ROCK1: variants seen among roughly 807,000 people sequenced by gnomAD.
ROCK1 encodes the protein Rho associated coiled-coil containing protein kinase 1.
Under a neutral mutation model 196.8 loss-of-function variants are expected in ROCK1, and 36 were observed. That is an observed-to-expected ratio of 0.18 (90% CI 0.14 to 0.24). ROCK1 has a LOEUF of 0.24. Among genes scored for constraint, ROCK1 ranks in the 10% least tolerant of loss-of-function variants. The pLI is 1.00. For synonymous variants in ROCK1, 443 were observed against 515.9 expected (o/e 0.86, Z 1.91); for missense variants, 920 against 1,562.0 (o/e 0.59, Z 6.93).
intron 32 of ROCK1, among the ~76,000 whole-genome samples, chr18:20,952,435 T>C (rs2035198463): frequency 6.8e-6 from 1 of 147,266 alleles, no homozygotes; most frequent in African/African-American, 2.6e-5. Context: ...TTATGCCTTA[T>C]AATTGTTTAT....
intron 1 of ROCK1, among the ~76,000 whole-genome samples, chr18:21,097,891 G>C (rs1437654898): frequency 1.3e-5 from 2 of 152,224 alleles, no homozygotes; most frequent in East Asian, 3.9e-4. Context: ...GGGTGGGAGT[G>C]AAAAATCCCA....
intron 16 of ROCK1, among the ~76,000 whole-genome samples, chr18:21,002,005 T>C (rs561754662): frequency 7.9e-5 from 12 of 152,206 alleles, no homozygotes; most frequent in African/African-American, 2.9e-4. Flanking sequence ...AAATCATTTA[T>C]AAACTAAGCC....
intron 32 of ROCK1, among the ~76,000 whole-genome samples, chr18:20,952,524 T>A (rs1287337357): frequency 6.6e-6 from 1 of 152,096 alleles, no homozygotes; most frequent in Non-Finnish European, 1.5e-5. Context: ...ACGCCTGTAA[T>A]CCCAGCACTT....
At chr18:21,013,360 G>T (rs1220638104) in intron 13 of ROCK1, among the ~76,000 whole-genome samples, 1 of 152,210 alleles carries the variant, frequency 6.6e-6, no homozygotes, top group African/African-American at 2.4e-5. Flanking sequence ...GAGGGGAGCA[G>T]ATCCTCATCA....
intron 22 of ROCK1, among the ~76,000 whole-genome samples, chr18:20,978,009 T>C (rs968565204): frequency 1.3e-5 from 2 of 152,222 alleles, no homozygotes; most frequent in African/African-American, 4.8e-5. Context: ...AAATTTAAGA[T>C]AATATACAGC....
intron 10 of ROCK1, among the ~76,000 whole-genome samples, chr18:21,026,234 C>T (rs1314328666): frequency 1.2e-4 from 19 of 152,038 alleles, no homozygotes; most frequent in Middle Eastern, 3.2e-3. Context: ...CACCTGAGGT[C>T]GGGAGTTCGA....
chr18:21,019,345 C>T (rs555475180), intron 12 of ROCK1, among the ~76,000 whole-genome samples: 27 of 152,084 alleles, frequency 1.8e-4, no homozygotes, highest in Non-Finnish European at 2.8e-4. Context: ...AGTAGAGATG[C>T]GGTTTCGCCA....
At chr18:20,966,009 A>T (rs1260549649) in intron 27 of ROCK1, among the ~76,000 whole-genome samples, 1 of 152,230 alleles carries the variant, frequency 6.6e-6, no homozygotes, top group Admixed American at 6.5e-5. Context: ...ATATCTGTTA[A>T]AACAGAATCC....
intron 1 of ROCK1, among the ~76,000 whole-genome samples, chr18:21,078,750 G>T (rs1470145102): frequency 1.3e-5 from 2 of 152,162 alleles, no homozygotes; most frequent in African/African-American, 4.8e-5. Flanking sequence ...GCACCTTGGG[G>T]ATTCAGGACT....
intron 2 of ROCK1, among the ~76,000 whole-genome samples, chr18:21,054,327 T>A (rs1249014333): frequency 6.6e-6 from 1 of 152,214 alleles, no homozygotes; most frequent in African/African-American, 2.4e-5. Flanking sequence ...TTTGACTTTT[T>A]TTTCAATCAT....
At chr18:21,026,659 G>C (rs1357291586) in intron 10 of ROCK1, among the ~76,000 whole-genome samples, 1 of 151,950 alleles carries the variant, frequency 6.6e-6, no homozygotes, top group Non-Finnish European at 1.5e-5. Context: ...CAAAAAGCCG[G>C]ACTAAATTGT....
intron 1 of ROCK1, among the ~76,000 whole-genome samples, chr18:21,079,001 G>A (rs2036459739): frequency 6.6e-6 from 1 of 152,152 alleles, no homozygotes; most frequent in South Asian, 2.1e-4. Context: ...GGGGTATAGA[G>A]AAGTGTGCTT....
At chr18:20,988,614 C>T (rs533735735) in intron 18 of ROCK1, among the ~76,000 whole-genome samples, 48 of 152,274 alleles carry the variant, frequency 3.2e-4, no homozygotes, top group African/African-American at 1.1e-3. Flanking sequence ...AACTTACTAT[C>T]ACTTCTGCCT....
At chr18:21,089,161 A>C (rs1431708891) in intron 1 of ROCK1, among the ~76,000 whole-genome samples, 2 of 151,972 alleles carry the variant, frequency 1.3e-5, no homozygotes, top group African/African-American at 4.8e-5. Flanking sequence ...CTGGTTCAAG[A>C]AATTCCCCTG....
intron 1 of ROCK1, among the ~76,000 whole-genome samples, chr18:21,091,198 A>C (rs2036567072): frequency 6.6e-6 from 1 of 151,994 alleles, no homozygotes; most frequent in Non-Finnish European, 1.5e-5. Context: ...GAGGATGAAG[A>C]CCTTTATGAG....
At chr18:21,012,141 G>A (rs1364066254) in intron 13 of ROCK1, among the ~76,000 whole-genome samples, 1 of 152,074 alleles carries the variant, frequency 6.6e-6, no homozygotes, top group Non-Finnish European at 1.5e-5. Flanking sequence ...AGTAAAGATG[G>A]GGTTTTGCCA....
In ROCK1 at chr18:21,096,523, G is replaced by C. The variant is rs1317676038; in HGVS notation, c.93+14295C>G. ...GCCTGTCTACAAATATTTATGTTGG[G>C]TTCTATCACTTACAACTGAAAGAGT... On this transcript the variant is annotated intron_variant, in intron 1 of 32. Transcript: ENST00000399799. Among the ~76,000 whole-genome samples, 3 of 152,260 alleles carry C rather than the reference G, an allele frequency of 2.0e-5. No individual in the cohort carries two copies. In the East Asian group the frequency reaches 5.8e-4, roughly 29 times the overall value.
intron 12 of ROCK1, among the ~76,000 whole-genome samples, chr18:21,018,194 A>T (rs1380047684): frequency 6.6e-6 from 1 of 151,778 alleles, no homozygotes; most frequent in Admixed American, 6.6e-5. Context: ...ATCCCTACTC[A>T]CCATTACTAC....
intron 20 of ROCK1, among the ~76,000 whole-genome samples, chr18:20,983,404 C>T (rs1471991512): frequency 6.6e-6 from 1 of 151,382 alleles, no homozygotes. Context: ...TAGACAACTG[C>T]ATGTATATAA....
Sources: allele counts gnomAD v4.1 joint callset (sites outside exome capture counted in the v4.1 genomes callset), GRCh38; gene constraint gnomAD v4.1.1; transcripts MANE v1.5; gene names NCBI Gene and HGNC (gene_info 2026-07-23, HGNC 2026-07-21).